The following ANKFN1 variants were observed in gnomAD, a reference collection of about 807,000 sequenced individuals.
ANKFN1 encodes ankyrin repeat and fibronectin type III domain containing 1, also known as ankyrin repeat and fibronectin type-III domain-containing protein 1.
A neutral mutation model predicts 108.7 loss-of-function variants in ANKFN1; 74 were observed. The observed-to-expected ratio is 0.68, with a 90% CI of 0.56 to 0.83. The LOEUF is 0.83. Ranked by LOEUF, ANKFN1 falls within the 40% of genes least tolerant of loss-of-function variation. The probability of loss-of-function intolerance (pLI) is 0.00; values close to 1 mark genes in which losing one functional copy is unlikely to be tolerated. For missense variants in ANKFN1, 1,505 were observed against 1,382.3 expected (o/e 1.09, Z -1.41); for synonymous variants, 547 against 516.2 (o/e 1.06, Z -0.81).
intron 4 of ANKFN1, among the ~76,000 whole-genome samples, chr17:56,119,238 G>C (rs899412464): frequency 1.3e-5 from 2 of 152,122 alleles, no homozygotes; most frequent in African/African-American, 4.8e-5. Flanking sequence ...ACTAGACCTT[G>C]AGGAACTTTG....
chr17:56,090,211 G>A (rs910777642), intron 4 of ANKFN1, among the ~76,000 whole-genome samples: 1 of 151,190 alleles, frequency 6.6e-6, no homozygotes, highest in African/African-American at 2.4e-5. Flanking sequence ...TAGTGTATGA[G>A]CCAGAATGTG....
At chr17:56,182,778 G>T (rs1911808599) in intron 1 of ANKFN1, among the ~76,000 whole-genome samples, 1 of 152,172 alleles carries the variant, frequency 6.6e-6, no homozygotes, top group African/African-American at 2.4e-5. Flanking sequence ...TTTAGCTAGA[G>T]AATAGAAGTC....
chr17:56,258,762 T>A (rs1392165247), intron 3 of ANKFN1, among the ~76,000 whole-genome samples: 3 of 151,838 alleles, frequency 2.0e-5, no homozygotes, highest in African/African-American at 7.3e-5. Context: ...ACCAAAAAAA[T>A]TAGCCGGGCA....
chr17:56,128,225 C>A (rs1478758509), intron 4 of ANKFN1, among the ~76,000 whole-genome samples: 1 of 139,652 alleles, frequency 7.2e-6, no homozygotes, highest in Admixed American at 7.1e-5. Flanking sequence ...CTCCTGGAAG[C>A]CAATAGCCCT....
At chr17:56,112,518 TA>T (rs1764242869) in intron 4 of ANKFN1, among the ~76,000 whole-genome samples, 1 of 152,078 alleles carries the variant, frequency 6.6e-6, no homozygotes. Flanking sequence ...CTAACCCATG[TA>T]TCCAAGCCAA....
intron 4 of ANKFN1, among the ~76,000 whole-genome samples, chr17:56,147,566 A>C (rs1033160766): frequency 1.3e-5 from 2 of 152,212 alleles, no homozygotes; most frequent in South Asian, 2.1e-4. Flanking sequence ...AAACCATCAG[A>C]TCTCATGAGA....
At chr17:56,182,293 C>T (rs9908935) in intron 1 of ANKFN1, among the ~76,000 whole-genome samples, 24,388 of 152,174 alleles carry the variant, frequency 0.16, 2,176 homozygotes, top group East Asian at 0.3. Context: ...AAAGCTAAGT[C>T]TCTTGTGCCA....
At chr17:56,428,084 A>G (rs2048629037) in intron 8 of ANKFN1, among the ~76,000 whole-genome samples, 1 of 152,058 alleles carries the variant, frequency 6.6e-6, no homozygotes, top group African/African-American at 2.4e-5. Flanking sequence ...AATACAAAAA[A>G]TTAGCCAGGC....
intron 8 of ANKFN1, among the ~76,000 whole-genome samples, chr17:56,392,611 A>G (rs2047473772): frequency 6.6e-6 from 1 of 152,198 alleles, no homozygotes; most frequent in East Asian, 1.9e-4. Flanking sequence ...GGGCACAGCA[A>G]ACACACTACA....
Position 56,274,239 on chromosome 17 carries a change from C to T in ANKFN1, c.53+46282C>T, listed in dbSNP as rs530860572. Among the ~76,000 whole-genome samples the T allele has an allele frequency of 3.9e-5, 6 of 152,180 alleles. 1 individual carries two copies. The South Asian group carries it at 1.2e-3, about 32-fold the overall frequency. ...CTACATCCCAGCAACTTTGGGAGGC[C>T]GAGGCAGGCGGATCACGAGGTCAGG... On this transcript the variant is annotated intron_variant, in intron 3 of 20. Transcript: ENST00000682825.
intron 4 of ANKFN1, among the ~76,000 whole-genome samples, chr17:56,136,138 A>G (rs1907589049): frequency 6.6e-6 from 1 of 152,192 alleles, no homozygotes; most frequent in African/African-American, 2.4e-5. Context: ...CTATGCATGG[A>G]CAGTCAGTCA....
chr17:56,425,521 T>A (rs1301543943), intron 8 of ANKFN1, among the ~76,000 whole-genome samples: 1 of 152,244 alleles, frequency 6.6e-6, no homozygotes, highest in Non-Finnish European at 1.5e-5. Context: ...CTTCTTAGCA[T>A]AACCTGAGCT....
At chr17:56,457,150 A>G in intron 12 of ANKFN1, 107 bp from the exon 13 acceptor site, 1 of 1,207,178 alleles carries the variant, frequency 8.3e-7, no homozygotes, top group Non-Finnish European at 1.2e-6. Flanking sequence ...GATACTTAGC[A>G]GGAATACGTT....
chr17:56,058,168 A>G (rs1904913411), intron 4 of ANKFN1, among the ~76,000 whole-genome samples: 1 of 152,234 alleles, frequency 6.6e-6, no homozygotes. Context: ...CACCAGCTGC[A>G]TTGGTCTCTA....
intron 4 of ANKFN1, among the ~76,000 whole-genome samples, chr17:56,113,264 A>G (rs1332492042): frequency 1.3e-5 from 2 of 152,070 alleles, no homozygotes; most frequent in East Asian, 3.9e-4. Flanking sequence ...TATCTTTAGG[A>G]TTTTTGGGTA....
chr17:56,478,696 G>GA (rs993006104), intron 16 of ANKFN1, among the ~76,000 whole-genome samples: 18 of 142,294 alleles, frequency 1.3e-4, no homozygotes, highest in Non-Finnish European at 2.5e-4. Flanking sequence ...GAGAAGAAAA[G>GA]AAAAAAAGGA....
intron 3 of ANKFN1, among the ~76,000 whole-genome samples, chr17:56,231,490 C>CT (rs1916734230): frequency 2.6e-5 from 4 of 152,130 alleles, no homozygotes; most frequent in Admixed American, 2.0e-4. Flanking sequence ...CTTTTGTTTG[C>CT]TTTTTTATGG....
intron 1 of ANKFN1, among the ~76,000 whole-genome samples, chr17:56,210,041 TATAGATAG>T (rs919205967): frequency 2.8e-5 from 4 of 143,340 alleles, no homozygotes; most frequent in South Asian, 2.3e-4. Flanking sequence ...ATATGTATAT[TATAGATAG>T]ATAGATAGAT....
At chr17:56,493,233 T>C (rs1274873482) in intron 19 of ANKFN1, among the ~76,000 whole-genome samples, 2 of 151,916 alleles carry the variant, frequency 1.3e-5, no homozygotes, top group Non-Finnish European at 2.9e-5. Flanking sequence ...ATGTGCTAGG[T>C]GCCAAAAAAA....
Sources: gnomAD v4.1 joint callset for allele counts (sites outside exome capture counted in the v4.1 genomes callset) on GRCh38, gnomAD v4.1.1 for gene constraint, MANE v1.5 for transcripts, NCBI Gene and HGNC (gene_info 2026-07-23, HGNC 2026-07-21) for gene names.